MAB21L3: variants seen among roughly 807,000 people sequenced by gnomAD.
MAB21L3 encodes mab-21 like 3, also known as protein mab-21-like 3.
In MAB21L3, 36 loss-of-function variants were observed where a neutral mutation model predicts 37.7. That is an observed-to-expected ratio of 0.96 (90% CI 0.73 to 1.26). The LOEUF is 1.26. MAB21L3 is among the 50% of genes most tolerant of loss of function. The pLI, the probability that MAB21L3 is intolerant of heterozygous loss-of-function variation, is 0.00. For missense variants in MAB21L3, 430 were observed against 447.3 expected, an observed-to-expected ratio of 0.96 and a Z score of 0.35; for synonymous variants, 186 against 176.8, an observed-to-expected ratio of 1.05 and a Z score of -0.41.
rs1239136259 is a variant in MAB21L3 at position 116,133,208 on chromosome 1, T to C, written c.932T>C (p.Leu311Pro). 1.9e-6 allele frequency: 3 copies of C among 1,614,060 alleles called. No individual in the cohort carries two copies. Among genetic ancestry groups the C allele is most frequent in the African/African-American group, 1.3e-5 (1 of 74,920 alleles). Reference protein sequence around the residue: ...WQVFSKAFLRLVRKLHKCVSQ... With the variant: ...WQVFSKAFLRPVRKLHKCVSQ... ...GTCTTCAGCAAAGCATTTCTGCGCC[T>C]GGTGAGGAAACTGCACAAGTGCGTG... The change falls in exon 8 of 8, where the codon CTG becomes CCG. Residue 311 changes from leucine (L) to proline (P), a missense_variant. Leu to Pro is a moderately conservative substitution (Grantham distance 98). Coordinates refer to ENST00000369500, the MANE Select transcript of MAB21L3 (RefSeq NM_152367.3).
chr1:116,133,029 CTT>C, intron 7 of MAB21L3, 101 bp from the exon 8 acceptor site: 1 of 982,296 alleles, frequency 1.0e-6, no homozygotes, highest in Non-Finnish European at 1.6e-6. Context: ...CCAGGCAACT[CTT>C]TTCTCCCTCC....
At chr1:116,123,935 T>C in intron 4 of MAB21L3, 131 bp from the exon 5 acceptor site, 1 of 846,260 alleles carries the variant, frequency 1.2e-6, no homozygotes, top group East Asian at 2.5e-5. Context: ...GAGGTCTCCG[T>C]GTATCTGGTC....
At chr1:116,117,960 G>T (rs1214662443) in intron 3 of MAB21L3, among the ~76,000 whole-genome samples, 1 of 151,934 alleles carries the variant, frequency 6.6e-6, no homozygotes, top group African/African-American at 2.4e-5. Context: ...AACTGGTTTT[G>T]CTCTCTGCTA....
intron 3 of MAB21L3, among the ~76,000 whole-genome samples, chr1:116,113,903 C>T (rs1221780027): frequency 6.6e-6 from 1 of 152,120 alleles, no homozygotes; most frequent in Non-Finnish European, 1.5e-5. Context: ...GCCTCTCTCA[C>T]GTGTGTCCCC....
intron 2 of MAB21L3, among the ~76,000 whole-genome samples, chr1:116,112,048 G>T (rs1659437293): frequency 6.6e-6 from 1 of 152,214 alleles, no homozygotes; most frequent in African/African-American, 2.4e-5. Context: ...CAGGCTGGTT[G>T]TTGGGCAGTT....
intron 7 of MAB21L3, among the ~76,000 whole-genome samples, chr1:116,128,773 C>T (rs568644831): frequency 1.5e-4 from 23 of 152,300 alleles, no homozygotes; most frequent in East Asian, 1.2e-3. Context: ...CTGCAGCCTA[C>T]GCACACCTCC....
intron 4 of MAB21L3, 81 bp downstream of exon 4, chr1:116,121,153 C>T: frequency 7.5e-7 from 1 of 1,341,836 alleles, no homozygotes. Context: ...GTGACAGATG[C>T]TTGCCTCACT....
At chr1:116,132,473 G>A (rs1362748265) in intron 7 of MAB21L3, among the ~76,000 whole-genome samples, 2 of 152,152 alleles carry the variant, frequency 1.3e-5, no homozygotes, top group African/African-American at 4.8e-5. Flanking sequence ...ATTTAGAAAA[G>A]TGGAGATCAC....
At chr1:116,129,957 G>A (rs1276904007) in intron 7 of MAB21L3, among the ~76,000 whole-genome samples, 1 of 152,168 alleles carries the variant, frequency 6.6e-6, no homozygotes, top group African/African-American at 2.4e-5. Flanking sequence ...AAACACGCAG[G>A]CTGTTCTCCT....
chr1:116,114,744 G>A (rs1659523018), intron 3 of MAB21L3, among the ~76,000 whole-genome samples: 2 of 152,230 alleles, frequency 1.3e-5, no homozygotes, highest in Non-Finnish European at 2.9e-5. Context: ...AATTTCACAT[G>A]CAGTCAGGCA....
Position 116,126,430 on chromosome 1 carries a change from G to A in MAB21L3, c.482-1036G>A, listed in dbSNP as rs1260498858. Reference sequence around the variant, plus strand: ...TCAAATCACTCAATCCTCTGAAACAGTGGCTGTGACGTGCTTTGATGTATT... The same window carrying A: ...TCAAATCACTCAATCCTCTGAAACAATGGCTGTGACGTGCTTTGATGTATT... On this transcript the variant is annotated intron_variant, in intron 5 of 7. Transcript: ENST00000369500. 7.9e-5 allele frequency among the ~76,000 whole-genome samples: 12 copies of A among 152,328 alleles called. No homozygotes were observed. The East Asian group carries it at 1.9e-3, about 24-fold the overall frequency.
chr1:116,120,806 G>C, intron 3 of MAB21L3, 126 bp from the exon 4 acceptor site: 1 of 1,197,418 alleles, frequency 8.4e-7, no homozygotes, highest in Non-Finnish European at 1.2e-6. Context: ...TCTTGGGAAG[G>C]CAGGATTTTT....
rs1039827442 is a variant in MAB21L3, at chr1:116,135,667, C to T, written c.*2302C>T. Among the ~76,000 whole-genome samples the T allele has an allele frequency of 1.3e-5, 2 of 152,166 alleles. No individual in the cohort carries two copies. Among genetic ancestry groups the T allele is most frequent in the African/African-American group, 4.8e-5 (2 of 41,430 alleles). On this transcript the variant is annotated 3_prime_UTR_variant, in exon 8 of 8. Transcript: ENST00000369500. ...TCCTGATACCAAAGCCGGGCAGAGA[C>T]ACAACTAAAAAAGAGAATTTTAGAC... is the stretch of plus-strand genomic sequence containing the variant.
At chr1:116,127,789 C>A in intron 6 of MAB21L3, 145 bp downstream of exon 6, 1 of 917,770 alleles carries the variant, frequency 1.1e-6, no homozygotes, top group Non-Finnish European at 1.6e-6. Context: ...CCTGCAGCAG[C>A]GTCACCTGAG....
At chr1:116,115,524 A>G (rs1659565019) in intron 3 of MAB21L3, among the ~76,000 whole-genome samples, 1 of 152,196 alleles carries the variant, frequency 6.6e-6, no homozygotes, top group African/African-American at 2.4e-5. Context: ...GTTTTCTGGA[A>G]GGAAGTCCTC....
chr1:116,114,106 C>T (rs757431643), intron 3 of MAB21L3, among the ~76,000 whole-genome samples: 2 of 152,138 alleles, frequency 1.3e-5, no homozygotes, highest in African/African-American at 2.4e-5. Flanking sequence ...TATTCACTCC[C>T]GTTATAATTA....
intron 3 of MAB21L3, among the ~76,000 whole-genome samples, chr1:116,117,658 G>C (rs1208054187): frequency 2.0e-5 from 3 of 152,086 alleles, no homozygotes; most frequent in African/African-American, 7.2e-5. Flanking sequence ...ACACTGTCTG[G>C]TTATCTTTAC....
At chr1:116,118,040 AG>A (rs764400325) in intron 3 of MAB21L3, among the ~76,000 whole-genome samples, 6 of 151,242 alleles carry the variant, frequency 4.0e-5, no homozygotes, top group African/African-American at 9.8e-5. Context: ...TCATTTTGCA[AG>A]GAAAAAAAAA....
At chr1:116,121,178 C>A in intron 4 of MAB21L3, 106 bp downstream of exon 4, 1 of 1,121,878 alleles carries the variant, frequency 8.9e-7, no homozygotes, top group Non-Finnish European at 1.3e-6. Context: ...ATACTCATAA[C>A]AATTCTTGTT....
Sources: allele counts gnomAD v4.1 joint callset (sites outside exome capture counted in the v4.1 genomes callset), GRCh38; gene constraint gnomAD v4.1.1; transcripts MANE v1.5; gene names NCBI Gene and HGNC (gene_info 2026-07-23, HGNC 2026-07-21).